Variants in PTK2 observed in about 807,000 individuals in gnomAD.
PTK2 encodes the protein focal adhesion kinase 1.
PTK2 carries 45 observed loss-of-function variants against 150.1 expected under a neutral mutation model. That is an observed-to-expected ratio of 0.30 (90% confidence interval 0.24 to 0.38). PTK2 has a LOEUF of 0.38. PTK2 is among the 10% of genes least tolerant of loss of function. The pLI is 1.00. For missense variants in PTK2, 919 were observed against 1,307.3 expected (o/e 0.70, Z 4.58); for synonymous variants, 432 against 449.2 (o/e 0.96, Z 0.48).
intron 27 of PTK2, among the ~76,000 whole-genome samples, chr8:140,680,886 T>G (rs2100016525): frequency 6.6e-6 from 1 of 152,206 alleles, no homozygotes; most frequent in Non-Finnish European, 1.5e-5. Flanking sequence ...GTGTTGACAG[T>G]TGCATACACA....
intron 1 of PTK2, among the ~76,000 whole-genome samples, chr8:140,941,487 T>G (rs1246480934): frequency 6.6e-6 from 1 of 152,204 alleles, no homozygotes; most frequent in Admixed American, 6.5e-5. Flanking sequence ...CTGATTCTAT[T>G]AGTGCCACAC....
intron 1 of PTK2, among the ~76,000 whole-genome samples, chr8:140,938,185 T>C (rs2100174368): frequency 6.6e-6 from 1 of 152,206 alleles, no homozygotes; most frequent in Non-Finnish European, 1.5e-5. Flanking sequence ...AGGGCTGTCC[T>C]GTTCCCTGTG....
At chr8:140,991,639 G>C (rs1009975048) in intron 1 of PTK2, among the ~76,000 whole-genome samples, 1 of 152,096 alleles carries the variant, frequency 6.6e-6, no homozygotes, top group Non-Finnish European at 1.5e-5. Flanking sequence ...CCTATGACTT[G>C]CATTTCTTTC....
chr8:140,844,360 A>T (rs2100124072), intron 7 of PTK2, among the ~76,000 whole-genome samples: 2 of 151,780 alleles, frequency 1.3e-5, no homozygotes, highest in Admixed American at 1.3e-4. Flanking sequence ...TTTATGCTCC[A>T]CCTCCTTTGA....
intron 7 of PTK2, among the ~76,000 whole-genome samples, chr8:140,831,100 G>C (rs540360154): frequency 9.9e-5 from 15 of 152,234 alleles, no homozygotes; most frequent in African/African-American, 3.4e-4. Flanking sequence ...AGGTAAAAAA[G>C]GTGAATTTAT....
chr8:140,889,332 T>G (rs576671111), intron 3 of PTK2, among the ~76,000 whole-genome samples: 1 of 152,074 alleles, frequency 6.6e-6, no homozygotes, highest in Non-Finnish European at 1.5e-5. Flanking sequence ...TGGGTTCAAG[T>G]GTTTCTCCTG....
At chr8:140,867,717 A>G (rs972520153) in intron 4 of PTK2, among the ~76,000 whole-genome samples, 3 of 152,210 alleles carry the variant, frequency 2.0e-5, no homozygotes, top group Non-Finnish European at 2.9e-5. Flanking sequence ...CTATGTAACA[A>G]ATCTGCCCAT....
At chr8:140,795,618 G>T (rs963540742) in intron 12 of PTK2, among the ~76,000 whole-genome samples, 2 of 152,054 alleles carry the variant, frequency 1.3e-5, no homozygotes, top group African/African-American at 2.4e-5. Flanking sequence ...AATTTACTCT[G>T]TTTATCGCAC....
intron 1 of PTK2, among the ~76,000 whole-genome samples, chr8:140,978,912 T>C (rs1198129135): frequency 4.6e-5 from 7 of 151,766 alleles, no homozygotes; most frequent in Non-Finnish European, 2.9e-5. Context: ...ACATACACCA[T>C]GGAATACTAT....
intron 22 of PTK2, among the ~76,000 whole-genome samples, chr8:140,726,300 G>A (rs2100045753): frequency 6.6e-6 from 1 of 152,116 alleles, no homozygotes; most frequent in African/African-American, 2.4e-5. Flanking sequence ...ACACACGTGC[G>A]ACTGGAATCT....
chr8:140,952,423 G>A (rs983320605), intron 1 of PTK2, among the ~76,000 whole-genome samples: 3 of 152,136 alleles, frequency 2.0e-5, no homozygotes, highest in Non-Finnish European at 2.9e-5. Flanking sequence ...GCCTATGAAG[G>A]ACAGGGGGAC....
chr8:140,732,395 T>C (rs935651328), intron 22 of PTK2, among the ~76,000 whole-genome samples: 3 of 152,204 alleles, frequency 2.0e-5, no homozygotes, highest in Non-Finnish European at 4.4e-5. Context: ...AGTAATTATA[T>C]GTAGTTCTAA....
chr8:140,788,163 C>G (rs1039655911), intron 14 of PTK2, among the ~76,000 whole-genome samples: 1 of 152,154 alleles, frequency 6.6e-6, no homozygotes, highest in South Asian at 2.1e-4. Flanking sequence ...TAACTGTTTA[C>G]CTGAGAACAT....
chr8:140,879,878 A>G (rs541670106), intron 3 of PTK2, among the ~76,000 whole-genome samples: 26 of 152,250 alleles, frequency 1.7e-4, no homozygotes, highest in African/African-American at 5.3e-4. Context: ...AGTTTTAGAA[A>G]AGAAAACATA....
chr8:140,826,331 C>G (rs1198163040), intron 8 of PTK2, among the ~76,000 whole-genome samples: 1 of 152,102 alleles, frequency 6.6e-6, no homozygotes, highest in East Asian at 1.9e-4. Context: ...ATGTTGGTAC[C>G]ATATTCCATA....
rs1395179648 is a variant in PTK2 at position 140,820,348 on chromosome 8, G to A, written c.649-1328C>T. Among the ~76,000 whole-genome samples the A allele has an allele frequency of 9.9e-5, 15 of 151,648 alleles. No homozygotes were observed. In the South Asian group the frequency reaches 2.5e-3, roughly 25 times the overall value. ...ACTCCTGACCTCAAGAGATCCACCC[G>A]CCTCAGCCTCCGAAAGTGCTGGGAT... On this transcript the variant is annotated intron_variant, in intron 8 of 31. Transcript: ENST00000522684.
intron 5 of PTK2, among the ~76,000 whole-genome samples, chr8:140,862,713 T>C (rs1009311905): frequency 1.3e-5 from 2 of 152,134 alleles, no homozygotes; most frequent in Admixed American, 6.5e-5. Context: ...AAGATTTTCA[T>C]AGGAGCGCAA....
chr8:140,790,247 T>C (rs1003189334), intron 13 of PTK2, among the ~76,000 whole-genome samples: 4 of 152,212 alleles, frequency 2.6e-5, no homozygotes, highest in East Asian at 1.9e-4. Context: ...AGATGAAATA[T>C]TGACATTTAA....
intron 5 of PTK2, among the ~76,000 whole-genome samples, chr8:140,858,871 G>C (rs983687296): frequency 3.9e-5 from 6 of 152,026 alleles, no homozygotes; most frequent in African/African-American, 1.4e-4. Flanking sequence ...TAAACAATTA[G>C]TATCAAATGA....
Sources: gnomAD v4.1 joint callset for allele counts (sites outside exome capture counted in the v4.1 genomes callset) on GRCh38, gnomAD v4.1.1 for gene constraint, MANE v1.5 for transcripts, NCBI Gene and HGNC (gene_info 2026-07-23, HGNC 2026-07-21) for gene names.